Variants in DDC observed in about 807,000 individuals in gnomAD.
The protein encoded by DDC is aromatic-L-amino-acid decarboxylase.
DDC carries 43 observed loss-of-function variants against 60.0 expected under a neutral mutation model. That is an observed-to-expected ratio of 0.72 (90% CI 0.56 to 0.92). The LOEUF (loss-of-function observed/expected upper bound fraction) is 0.92. Ranked by LOEUF, DDC falls within the 40% of genes least tolerant of loss-of-function variation. The pLI, the probability that DDC is intolerant of heterozygous loss-of-function variation, is 0.00. For synonymous variants in DDC, 232 were observed against 234.6 expected, an observed-to-expected ratio of 0.99 and a Z score of 0.10; for missense variants, 573 against 620.2, an observed-to-expected ratio of 0.92 and a Z score of 0.81.
At chr7:50,513,802 ACAG>A (rs2043652131) in intron 6 of DDC, among the ~76,000 whole-genome samples, 1 of 151,796 alleles carries the variant, frequency 6.6e-6, no homozygotes, top group African/African-American at 2.4e-5. Flanking sequence ...CCCATCCCCC[ACAG>A]CAGCCGCAGC....
At chr7:50,468,465 G>A (rs1365775165) in intron 12 of DDC, among the ~76,000 whole-genome samples, 1 of 152,172 alleles carries the variant, frequency 6.6e-6, no homozygotes, top group African/African-American at 2.4e-5. Context: ...TCTCAAATGG[G>A]TAGAGGGGGA....
chr7:50,482,658 T>C (rs916826441), intron 9 of DDC, among the ~76,000 whole-genome samples: 1 of 152,200 alleles, frequency 6.6e-6, no homozygotes, highest in Non-Finnish European at 1.5e-5. Flanking sequence ...AGGTCTAATA[T>C]CGAGTCTTCT....
chr7:50,499,374 T>A (rs2043198719), intron 7 of DDC, 132 bp from the exon 8 acceptor site: 8 of 706,080 alleles, frequency 1.1e-5, no homozygotes, highest in Non-Finnish European at 2.0e-5. Flanking sequence ...AATGGCTGAA[T>A]CCCCAAAAGG....
intron 6 of DDC, among the ~76,000 whole-genome samples, chr7:50,519,668 G>A (rs1367538638): frequency 6.6e-6 from 1 of 152,158 alleles, no homozygotes; most frequent in Non-Finnish European, 1.5e-5. Flanking sequence ...GGTTCTCACT[G>A]ATATGTGGGA....
intron 1 of DDC, among the ~76,000 whole-genome samples, chr7:50,545,630 GC>G (rs1014456346): frequency 1.3e-5 from 2 of 152,104 alleles, no homozygotes; most frequent in Non-Finnish European, 2.9e-5. Flanking sequence ...CCACCACTAT[GC>G]CCAGCTAATT....
intron 14 of DDC, among the ~76,000 whole-genome samples, chr7:50,462,823 G>A (rs181406469): frequency 4.6e-5 from 6 of 129,360 alleles, no homozygotes; most frequent in Non-Finnish European, 6.2e-5. Flanking sequence ...AGGCTGTAAC[G>A]CAGTGGCGCG....
At chr7:50,498,136 G>A (rs962073228) in intron 8 of DDC, among the ~76,000 whole-genome samples, 1 of 152,168 alleles carries the variant, frequency 6.6e-6, no homozygotes, top group African/African-American at 2.4e-5. Context: ...TACTCCTGGC[G>A]ACAATCCCAC....
intron 6 of DDC, among the ~76,000 whole-genome samples, chr7:50,521,294 T>G (rs939579487): frequency 6.6e-6 from 1 of 152,250 alleles, no homozygotes; most frequent in African/African-American, 2.4e-5. Context: ...TATTTTAAAA[T>G]TAGATCAATA....
intron 11 of DDC, among the ~76,000 whole-genome samples, chr7:50,472,502 G>T (rs1031689231): frequency 1.2e-4 from 18 of 152,094 alleles, no homozygotes; most frequent in Non-Finnish European, 2.5e-4. Flanking sequence ...TCCAGAAGAT[G>T]CAGTTTCCTC....
rs1216767683 is a variant in DDC at position 50,516,198 on chromosome 7, CTT to C, written c.714+11937_714+11938del. ...AGGCCATAAAACAAACATCAATAAA[CTT>C]AAGAAAACTGAAATTATATCAGGCA... On this transcript the variant is annotated intron_variant, in intron 6 of 14. Coordinates refer to ENST00000444124, the MANE Select transcript of DDC (RefSeq NM_001082971.2). Among the ~76,000 whole-genome samples the C allele has an allele frequency of 3.3e-5, 5 of 152,198 alleles. No homozygotes were observed. In the East Asian group the frequency reaches 9.6e-4, roughly 29 times the overall value.
intron 1 of DDC, among the ~76,000 whole-genome samples, chr7:50,561,627 C>T (rs993610463): frequency 1.3e-5 from 2 of 152,096 alleles, no homozygotes; most frequent in African/African-American, 4.8e-5. Context: ...GTCTCTCCTC[C>T]CACCATGGGG....
At chr7:50,518,624 A>C (rs1220695204) in intron 6 of DDC, among the ~76,000 whole-genome samples, 3 of 152,204 alleles carry the variant, frequency 2.0e-5, no homozygotes, top group Non-Finnish European at 2.9e-5. Context: ...GCAAACAAAA[A>C]CATAAAGTGG....
chr7:50,506,499 A>AAAAAG (rs1002426477), intron 6 of DDC, among the ~76,000 whole-genome samples: 10 of 152,152 alleles, frequency 6.6e-5, no homozygotes, highest in Admixed American at 4.6e-4. Context: ...ACTTATAATA[A>AAAAAG]AAAAGAAAAG....
chr7:50,547,782 A>G (rs1429795963), intron 1 of DDC, among the ~76,000 whole-genome samples: 1 of 152,222 alleles, frequency 6.6e-6, no homozygotes, highest in East Asian at 1.9e-4. Context: ...TGTACAACCC[A>G]GCGTAAATTG....
intron 1 of DDC, among the ~76,000 whole-genome samples, chr7:50,563,160 C>G (rs1434467063): frequency 1.2e-5 from 1 of 81,054 alleles, no homozygotes; most frequent in Non-Finnish European, 2.4e-5. Context: ...GGGTGAGACT[C>G]CATCTCAAAA....
chr7:50,551,528 C>T (rs1410637072), intron 1 of DDC, among the ~76,000 whole-genome samples: 8 of 152,176 alleles, frequency 5.3e-5, no homozygotes, highest in African/African-American at 1.4e-4. Flanking sequence ...CCACCGCGCC[C>T]GGCCCCATTG....
At chr7:50,486,682 T>C (rs2042885939) in intron 9 of DDC, among the ~76,000 whole-genome samples, 1 of 152,148 alleles carries the variant, frequency 6.6e-6, no homozygotes, top group South Asian at 2.1e-4. Flanking sequence ...GATAAGGCCT[T>C]TAAGAGGTGA....
intron 4 of DDC, among the ~76,000 whole-genome samples, chr7:50,535,195 C>T (rs997375385): frequency 5.9e-5 from 9 of 151,708 alleles, no homozygotes; most frequent in African/African-American, 2.2e-4. Context: ...TCCCTCTCGT[C>T]AACCAGGCTG....
chr7:50,521,777 T>C (rs1038225324), intron 6 of DDC, among the ~76,000 whole-genome samples: 2 of 152,170 alleles, frequency 1.3e-5, no homozygotes, highest in Non-Finnish European at 2.9e-5. Flanking sequence ...ATGAATGACA[T>C]CTACTCTTAA....
Sources: allele counts gnomAD v4.1 joint callset (sites outside exome capture counted in the v4.1 genomes callset), GRCh38; gene constraint gnomAD v4.1.1; transcripts MANE v1.5; gene names NCBI Gene and HGNC (gene_info 2026-07-23, HGNC 2026-07-21).